Variants in TRPS1 observed in about 807,000 individuals in gnomAD.
TRPS1 encodes the protein transcriptional repressor GATA binding 1.
A neutral mutation model predicts 101.2 loss-of-function variants in TRPS1; 6 were observed. That is an observed-to-expected ratio of 0.06 (90% confidence interval 0.03 to 0.12). The LOEUF (loss-of-function observed/expected upper bound fraction) is 0.12, where lower values mean the gene tolerates loss of function less well. TRPS1 is among the 10% of genes least tolerant of loss of function. TRPS1 has a pLI of 1.00. For synonymous variants in TRPS1, 578 were observed against 589.8 expected (o/e 0.98, Z 0.29); for missense variants, 1,363 against 1,567.0 (o/e 0.87, Z 2.20).
chr8:115,470,318 A>G (rs552487975), intron 5 of TRPS1, among the ~76,000 whole-genome samples: 1 of 152,354 alleles, frequency 6.6e-6, no homozygotes, highest in South Asian at 2.1e-4. Flanking sequence ...AAGATCTGAT[A>G]GCTATCAGAA....
In TRPS1 at chr8:115,554,089, G is replaced by A. The variant is rs571109049; in HGVS notation, c.2700+32912C>T. The stretch of plus-strand genomic sequence containing the variant: ...AAGAGTGTGGAATGTTTAAAAGTAT[G>A]AAATATTAATAAACATTTCTACAAA... On this transcript the variant is annotated intron_variant, in intron 5 of 6. Transcript: ENST00000395715. Among the ~76,000 whole-genome samples, 25 of 152,154 alleles carry A rather than the reference G, an allele frequency of 1.6e-4. No homozygotes were observed. The South Asian group carries it at 4.4e-3, about 27-fold the overall frequency.
At chr8:115,663,387 G>C (rs971487849) in intron 1 of TRPS1, among the ~76,000 whole-genome samples, 1 of 151,786 alleles carries the variant, frequency 6.6e-6, no homozygotes, top group Non-Finnish European at 1.5e-5. Context: ...AAGAAAACAA[G>C]AAAGAGAGAG....
At chr8:115,638,664 G>C (rs1255115981) in intron 1 of TRPS1, among the ~76,000 whole-genome samples, 1 of 152,086 alleles carries the variant, frequency 6.6e-6, no homozygotes, top group East Asian at 1.9e-4. Flanking sequence ...CATACACTCA[G>C]GAAAGACACA....
chr8:115,617,793 G>A (rs1163043167), intron 3 of TRPS1, among the ~76,000 whole-genome samples: 9 of 152,092 alleles, frequency 5.9e-5, no homozygotes, highest in Non-Finnish European at 1.2e-4. Flanking sequence ...TAGCTTTCAT[G>A]CATAATAACT....
intron 5 of TRPS1, among the ~76,000 whole-genome samples, chr8:115,526,668 A>G (rs1816006777): frequency 6.6e-6 from 1 of 152,198 alleles, no homozygotes; most frequent in African/African-American, 2.4e-5. Context: ...AAATGGCAAT[A>G]AGCTATGTGC....
chr8:115,615,252 G>A (rs1818251445), intron 3 of TRPS1, among the ~76,000 whole-genome samples: 2 of 152,278 alleles, frequency 1.3e-5, no homozygotes, highest in Admixed American at 1.3e-4. Flanking sequence ...TATATCATAA[G>A]CATCTGAACT....
intron 3 of TRPS1, among the ~76,000 whole-genome samples, chr8:115,606,807 CAAAAAAA>C (rs72238288): frequency 1.4e-4 from 17 of 123,424 alleles, no homozygotes; most frequent in East Asian, 6.8e-4. Flanking sequence ...GTTCATTTGC[CAAAAAAA>C]AAAAAAAAAA....
intron 5 of TRPS1, among the ~76,000 whole-genome samples, chr8:115,442,732 C>T (rs576850857): frequency 6.6e-6 from 1 of 151,766 alleles, no homozygotes; most frequent in South Asian, 2.1e-4. Flanking sequence ...GATGCTGAGG[C>T]GGGCGGATCA....
intron 5 of TRPS1, among the ~76,000 whole-genome samples, chr8:115,575,553 T>G (rs916467387): frequency 6.6e-6 from 1 of 152,064 alleles, no homozygotes; most frequent in African/African-American, 2.4e-5. Context: ...GGAAAGATAA[T>G]GCCAAGAAAT....
At position 115,642,396 on chromosome 8, in the gene TRPS1, C is replaced by T. The variant is rs561258099; in HGVS notation, c.-121-18638G>A. 3.2e-4 allele frequency among the ~76,000 whole-genome samples: 49 copies of T among 151,988 alleles called. No individual in the cohort carries two copies. In the Middle Eastern group the frequency reaches 0.021, roughly 64 times the overall value. Reference sequence around the variant, plus strand: ...ATAATACAGAACTGTGTTTAAATGACAAAGATGACAGAAAATCAGTATCAT... The same window carrying T: ...ATAATACAGAACTGTGTTTAAATGATAAAGATGACAGAAAATCAGTATCAT... On this transcript the variant is annotated intron_variant, in intron 1 of 6. Coordinates refer to ENST00000395715, the MANE Select transcript of TRPS1 (RefSeq NM_014112.5).
intron 5 of TRPS1, among the ~76,000 whole-genome samples, chr8:115,571,708 T>C (rs1817207620): frequency 6.6e-6 from 1 of 152,092 alleles, no homozygotes; most frequent in Non-Finnish European, 1.5e-5. Flanking sequence ...AATAAGCCAC[T>C]GGGTTAAATC....
At chr8:115,611,915 T>C (rs752134037) in intron 3 of TRPS1, among the ~76,000 whole-genome samples, 45 of 152,360 alleles carry the variant, frequency 3.0e-4, no homozygotes, top group South Asian at 4.1e-4. Flanking sequence ...GTTAATGTCT[T>C]ATTGGAGAGC....
chr8:115,616,823 A>C (rs1181158600), intron 3 of TRPS1, among the ~76,000 whole-genome samples: 10 of 152,228 alleles, frequency 6.6e-5, no homozygotes, highest in Admixed American at 5.2e-4. Flanking sequence ...CACAGCTTTT[A>C]GCCTCCACGA....
chr8:115,557,364 C>T (rs1816845981), intron 5 of TRPS1, among the ~76,000 whole-genome samples: 2 of 152,020 alleles, frequency 1.3e-5, no homozygotes, highest in Non-Finnish European at 2.9e-5. Flanking sequence ...TCTCCTTTTC[C>T]CCCCAAAATC....
chr8:115,434,972 T>C (rs1813412665), intron 5 of TRPS1, among the ~76,000 whole-genome samples: 1 of 152,190 alleles, frequency 6.6e-6, no homozygotes, highest in African/African-American at 2.4e-5. Context: ...CCAAAACCTT[T>C]CATCACTATA....
chr8:115,523,665 G>A (rs1264354046), intron 5 of TRPS1, among the ~76,000 whole-genome samples: 2 of 152,118 alleles, frequency 1.3e-5, no homozygotes, highest in Non-Finnish European at 2.9e-5. Flanking sequence ...GTAGTCCGAG[G>A]CTTTAATATA....
chr8:115,468,649 A>G (rs548180983), intron 5 of TRPS1, among the ~76,000 whole-genome samples: 2 of 152,358 alleles, frequency 1.3e-5, no homozygotes, highest in South Asian at 2.1e-4. Context: ...ACACACAAAA[A>G]ACCTGAAGAG....
intron 5 of TRPS1, among the ~76,000 whole-genome samples, chr8:115,539,092 C>G (rs1418825812): frequency 6.6e-6 from 1 of 152,130 alleles, no homozygotes. Context: ...ACTCTACTTC[C>G]TGATTTGTTA....
At chr8:115,666,290 A>C (rs945821544) in intron 1 of TRPS1, among the ~76,000 whole-genome samples, 1 of 152,164 alleles carries the variant, frequency 6.6e-6, no homozygotes, top group Non-Finnish European at 1.5e-5. Flanking sequence ...AGGTAAAAAA[A>C]AAAAATCCTC....
Sources: allele counts gnomAD v4.1 joint callset (sites outside exome capture counted in the v4.1 genomes callset), GRCh38; gene constraint gnomAD v4.1.1; transcripts MANE v1.5; gene names NCBI Gene and HGNC (gene_info 2026-07-23, HGNC 2026-07-21).